PARD3: variants seen among roughly 807,000 people sequenced by gnomAD.
PARD3 encodes partitioning defective 3 homolog.
A neutral mutation model predicts 155.4 loss-of-function variants in PARD3; 75 were observed. The observed-to-expected ratio is 0.48, with a 90% CI of 0.40 to 0.58. PARD3 has a LOEUF of 0.58. Among genes scored for constraint, PARD3 ranks in the 20% least tolerant of loss-of-function variants. The probability of loss-of-function intolerance (pLI) is 0.00; values close to 1 mark genes in which losing one functional copy is unlikely to be tolerated. For missense variants in PARD3, 1,642 were observed against 1,721.7 expected, an observed-to-expected ratio of 0.95 and a Z score of 0.82; for synonymous variants, 576 against 610.5, an observed-to-expected ratio of 0.94 and a Z score of 0.83.
chr10:34,375,039 G>A (rs761684526), intron 10 of PARD3, 37 bp from the exon 11 acceptor site: 1 of 1,383,404 alleles, frequency 7.2e-7, no homozygotes, highest in East Asian at 2.3e-5. Context: ...GTAATCCTGT[G>A]GAAACAACAG....
intron 22 of PARD3, among the ~76,000 whole-genome samples, chr10:34,194,660 C>A (rs914107683): frequency 2.0e-5 from 3 of 146,452 alleles, no homozygotes; most frequent in Non-Finnish European, 3.0e-5. Context: ...TTTTCCCCTC[C>A]ATGTTCAAGG....
At chr10:34,604,846 G>A (rs2090091527) in intron 2 of PARD3, among the ~76,000 whole-genome samples, 2 of 151,854 alleles carry the variant, frequency 1.3e-5, no homozygotes, top group South Asian at 4.1e-4. Flanking sequence ...AAGAGAAACT[G>A]CAATGCTATT....
At chr10:34,350,857 G>T (rs1838000726) in intron 14 of PARD3, among the ~76,000 whole-genome samples, 1 of 152,098 alleles carries the variant, frequency 6.6e-6, no homozygotes, top group Non-Finnish European at 1.5e-5. Flanking sequence ...TTAGGTTGCG[G>T]CAAGATAACC....
chr10:34,655,053 A>G (rs752776612), intron 2 of PARD3, among the ~76,000 whole-genome samples: 3 of 151,636 alleles, frequency 2.0e-5, no homozygotes, highest in African/African-American at 4.9e-5. Flanking sequence ...AACAACTTTT[A>G]CAGTAATAGT....
intron 18 of PARD3, among the ~76,000 whole-genome samples, chr10:34,335,024 T>G (rs1239995963): frequency 6.6e-6 from 1 of 151,940 alleles, no homozygotes; most frequent in Admixed American, 6.6e-5. Context: ...TATGACTGTT[T>G]ACTTGGATCG....
chr10:34,449,462 G>T, intron 5 of PARD3, among the ~76,000 whole-genome samples: 1 of 133,614 alleles, frequency 7.5e-6, no homozygotes, highest in Admixed American at 7.8e-5. Context: ...GAGGTGGGGG[G>T]AGGGGGGAGG....
intron 22 of PARD3, among the ~76,000 whole-genome samples, chr10:34,194,864 A>G (rs1950872639): frequency 6.6e-6 from 1 of 152,224 alleles, no homozygotes; most frequent in Non-Finnish European, 1.5e-5. Flanking sequence ...CTTAAACTAT[A>G]TAGCTGAGGT....
chr10:34,437,340 G>A (rs575272135), intron 5 of PARD3, among the ~76,000 whole-genome samples: 1 of 152,184 alleles, frequency 6.6e-6, no homozygotes, highest in East Asian at 1.9e-4. Context: ...TATTTCCTCT[G>A]TATTTGAAAA....
intron 22 of PARD3, among the ~76,000 whole-genome samples, chr10:34,225,117 A>C (rs1316429399): frequency 6.6e-6 from 1 of 152,220 alleles, no homozygotes; most frequent in Admixed American, 6.5e-5. Context: ...CATTGAAAAC[A>C]CCAAGATGAA....
At chr10:34,615,382 C>T (rs986644004) in intron 2 of PARD3, among the ~76,000 whole-genome samples, 1 of 152,130 alleles carries the variant, frequency 6.6e-6, no homozygotes, top group African/African-American at 2.4e-5. Context: ...CTTCAACAAA[C>T]ACCACTGAGG....
At chr10:34,524,387 T>G (rs140831928) in intron 2 of PARD3, among the ~76,000 whole-genome samples, 1 of 152,304 alleles carries the variant, frequency 6.6e-6, no homozygotes, top group East Asian at 1.9e-4. Context: ...GAAACCACAG[T>G]GAAAGATATT....
At chr10:34,672,023 A>C (rs1211013169) in intron 2 of PARD3, among the ~76,000 whole-genome samples, 1 of 151,764 alleles carries the variant, frequency 6.6e-6, no homozygotes, top group East Asian at 1.9e-4. Context: ...AAAAGTGAAA[A>C]ATTAGCCAGG....
chr10:34,606,292 G>A (rs1481277390), intron 2 of PARD3, among the ~76,000 whole-genome samples: 3 of 150,826 alleles, frequency 2.0e-5, no homozygotes, highest in South Asian at 2.1e-4. Flanking sequence ...CACGTGCTCC[G>A]GGTGCAGAGA....
chr10:34,622,127 G>A (rs1235626190), intron 2 of PARD3, among the ~76,000 whole-genome samples: 1 of 152,016 alleles, frequency 6.6e-6, no homozygotes, highest in Non-Finnish European at 1.5e-5. Flanking sequence ...CCTTGTTAAA[G>A]AATAGAATTC....
chr10:34,809,144 G>C (rs1240180352), intron 1 of PARD3, among the ~76,000 whole-genome samples: 1 of 152,190 alleles, frequency 6.6e-6, no homozygotes, highest in Non-Finnish European at 1.5e-5. Context: ...TGTGCCAGTA[G>C]GTCAAACACA....
intron 1 of PARD3, among the ~76,000 whole-genome samples, chr10:34,727,381 G>C (rs2094733313): frequency 1.3e-5 from 2 of 152,174 alleles, no homozygotes; most frequent in Admixed American, 6.5e-5. Context: ...GGCCATGACA[G>C]ACATCATTAA....
At chr10:34,422,002 T>A (rs1358314503) in intron 5 of PARD3, among the ~76,000 whole-genome samples, 1 of 151,950 alleles carries the variant, frequency 6.6e-6, no homozygotes, top group South Asian at 2.1e-4. Flanking sequence ...AGAAGATATC[T>A]GGGTAAAGCA....
At chr10:34,165,608 A>T (rs1949493882) in intron 22 of PARD3, among the ~76,000 whole-genome samples, 1 of 152,134 alleles carries the variant, frequency 6.6e-6, no homozygotes, top group Non-Finnish European at 1.5e-5. Context: ...TTTGGCCTTA[A>T]GCTCCCACTG....
intron 14 of PARD3, among the ~76,000 whole-genome samples, chr10:34,355,322 C>T (rs1838679342): frequency 6.6e-6 from 1 of 151,988 alleles, no homozygotes; most frequent in Non-Finnish European, 1.5e-5. Flanking sequence ...AGCGAGAGAG[C>T]AAGACGCTGT....
Sources: allele counts gnomAD v4.1 joint callset (sites outside exome capture counted in the v4.1 genomes callset), GRCh38; gene constraint gnomAD v4.1.1; transcripts MANE v1.5; gene names NCBI Gene and HGNC (gene_info 2026-07-23, HGNC 2026-07-21).